Variants in PDE4C observed in about 807,000 individuals in gnomAD.
PDE4C encodes phosphodiesterase 4C, also known as 3',5'-cyclic-AMP phosphodiesterase 4C.
In PDE4C, 50 loss-of-function variants were observed where a neutral mutation model predicts 63.9. That is an observed-to-expected ratio of 0.78 (90% CI 0.62 to 0.99). The LOEUF is 0.99. Among genes scored for constraint, PDE4C ranks in the 50% least tolerant of loss-of-function variants. The pLI is 0.00. For missense variants in PDE4C, 777 were observed against 899.1 expected (o/e 0.86, Z 1.74); for synonymous variants, 377 against 385.1 (o/e 0.98, Z 0.25).
rs1968222270 is a variant in PDE4C at position 18,216,877 on chromosome 19, A to G, written c.1253T>C (p.Met418Thr). Residue 418 changes from methionine to threonine, a missense_variant, in exon 12 of 15, where the codon ATG becomes ACG. Met to Thr is a moderately conservative substitution (Grantham distance 81, BLOSUM62 -1). This residue lies in a region of PDE4C where 500 missense variants were observed against 597.8 expected (regional missense o/e 0.84). Coordinates refer to ENST00000262805, the Ensembl canonical transcript of PDE4C. ...CTCCAGCACCGAGGCGTCGTTGTAC[A>G]TAAGCGCCAGCTCTGAGTCTGTGAG... 5.6e-6 allele frequency: 9 copies of G among 1,613,440 alleles called. No individual in the cohort carries two copies. In the South Asian group the frequency reaches 7.7e-5, roughly 14 times the overall value.
At chr19:18,254,409 G>C in the PDE4C span, among the ~76,000 whole-genome samples, 7 of 152,306 alleles carry the variant, frequency 4.6e-5, no homozygotes, top group East Asian at 1.2e-3. Flanking sequence ...GCTGCTGAAG[G>C]GTTGACCAGA....
At position 18,220,864 on chromosome 19, in the gene PDE4C, G is replaced by A. The variant is rs775399041; in HGVS notation, c.499+10C>T. 8 of 1,607,104 alleles carry A rather than the reference G, an allele frequency of 5.0e-6. No individual in the cohort carries two copies. The highest frequency in any genetic ancestry group is 4.2e-6 in the Non-Finnish European group (5 of 1,177,728). On this transcript the variant is annotated intron_variant, in intron 5 of 14. Coordinates refer to ENST00000262805, the Ensembl canonical transcript of PDE4C. The surrounding 1 kb of genome is among the most constrained non-coding windows in gnomAD (Gnocchi z 5.1). ...TCCTCAGCGGGGGAGGGAAGGAACA[G>A]GTACTTTACCTGCAGGAGGGAGCTG...
intron 2 of PDE4C, 52 bp downstream of exon 2, chr19:18,222,080 A>C: frequency 6.7e-7 from 1 of 1,496,292 alleles, no homozygotes; most frequent in Non-Finnish European, 9.2e-7. Context: ...ATAGAGGAAC[A>C]AAGGAAGGAG....
At chr19:18,224,326 C>T (rs974617065) in intron 1 of PDE4C, 3 of 985,476 alleles carry the variant, frequency 3.0e-6, no homozygotes, top group Non-Finnish European at 3.6e-6. Flanking sequence ...CGGCCGAGGG[C>T]CAGTGTCCGG....
intron 1 of PDE4C, among the ~76,000 whole-genome samples, chr19:18,231,479 G>A (rs1968846054): frequency 1.3e-5 from 2 of 152,178 alleles, no homozygotes; most frequent in Admixed American, 1.3e-4. Flanking sequence ...GGTCACCTGA[G>A]AACAGCTCCA....
exon 1 of PDE4C, chr19:18,233,127 C>T (rs1456897271): frequency 6.4e-7 from 1 of 1,559,576 alleles, no homozygotes; most frequent in Non-Finnish European, 8.7e-7. Context: ...CATGCTGTGG[C>T]GGCCGCGAGA....
intron 1 of PDE4C, chr19:18,248,154 G>C (rs1202039077): frequency 2.2e-6 from 1 of 456,176 alleles, no homozygotes; most frequent in Non-Finnish European, 4.4e-6. Flanking sequence ...GGAGGCCCAG[G>C]CATGTCTGGC....
chr19:18,228,554 C>G (rs1600093398), upstream of PDE4C, among the ~76,000 whole-genome samples: 1 of 152,194 alleles, frequency 6.6e-6, no homozygotes, highest in Non-Finnish European at 1.5e-5. Flanking sequence ...GATGCGTTAA[C>G]TCATTTCATC....
chr19:18,244,890 C>T (rs1273105465), intron 1 of PDE4C, among the ~76,000 whole-genome samples: 1 of 151,786 alleles, frequency 6.6e-6, no homozygotes, highest in African/African-American at 2.4e-5. Flanking sequence ...GGCTGAAGTG[C>T]AGTGGCGCGA....
At position 18,220,788 on chromosome 19, in the gene PDE4C, T is replaced by C. The variant is rs1222551793; in HGVS notation, c.499+86A>G. 1.5e-6 allele frequency: 2 copies of C among 1,305,834 alleles called. No individual in the cohort carries two copies. The highest frequency in any genetic ancestry group is 1.1e-6 in the Non-Finnish European group (1 of 915,382). The allele number at this position is 1,305,834 out of a possible 1,614,324, so 80.9% of individuals were successfully genotyped here. ...GGCGGGGCTACAATTAGCCCCAGTATAAGGGGCTCATGGACTGGGGAGGTC... is the reference window on the plus strand; with the variant it reads ...GGCGGGGCTACAATTAGCCCCAGTACAAGGGGCTCATGGACTGGGGAGGTC... On this transcript the variant is annotated intron_variant, in intron 5 of 14. Coordinates refer to ENST00000262805, the Ensembl canonical transcript of PDE4C. This position sits in a 1 kb window ranked among gnomAD's most constrained non-coding sequence, Gnocchi z 5.1.
At chr19:18,243,047 G>A (rs1969071766) in intron 1 of PDE4C, among the ~76,000 whole-genome samples, 3 of 152,144 alleles carry the variant, frequency 2.0e-5, no homozygotes, top group African/African-American at 7.2e-5. Flanking sequence ...TATGTTTTGG[G>A]GGCTGAAAGA....
rs1968415434 is a variant in PDE4C, at chr19:18,220,571, C to T, written c.500-56G>A. 2 of 1,448,888 alleles carry T rather than the reference C, an allele frequency of 1.4e-6. No homozygotes were observed. Among genetic ancestry groups the T allele is most frequent in the Admixed American group, 1.8e-5 (1 of 54,472 alleles). The allele number at this position is 1,448,888 out of a possible 1,614,324, so 89.8% of individuals were successfully genotyped here. A position where few individuals can be genotyped will look rare whatever the true frequency, so the allele number is the denominator to read the frequency against. On this transcript the variant is annotated intron_variant, in intron 5 of 14. Transcript: ENST00000262805. This position sits in a 1 kb window ranked among gnomAD's most constrained non-coding sequence, Gnocchi z 5.1. Reference sequence around the variant, plus strand: ...AACCCCCCCGCTCAGGGACCCCACGCCTCTCGCGACTTCGTCTCTTCATCT... The same window carrying T: ...AACCCCCCCGCTCAGGGACCCCACGTCTCTCGCGACTTCGTCTCTTCATCT...
intron 1 of PDE4C, among the ~76,000 whole-genome samples, chr19:18,247,636 C>T (rs1348350320): frequency 6.6e-6 from 1 of 152,128 alleles, no homozygotes; most frequent in Non-Finnish European, 1.5e-5. Context: ...TGGGATCTCC[C>T]CACCATGGCC....
chr19:18,232,702 A>T (rs376355073), intron 1 of PDE4C, among the ~76,000 whole-genome samples: 1 of 79,008 alleles, frequency 1.3e-5, no homozygotes, highest in East Asian at 2.3e-4. Context: ...GCGCGCGCAC[A>T]CACACACACA....
upstream of PDE4C, among the ~76,000 whole-genome samples, chr19:18,229,711 G>A (rs1399039161): frequency 1.3e-5 from 2 of 151,998 alleles, no homozygotes; most frequent in African/African-American, 4.8e-5. Flanking sequence ...GAGATGACTT[G>A]CCCAAGTCCC....
intron 12 of PDE4C, among the ~76,000 whole-genome samples, chr19:18,215,209 T>A (rs2148010223): frequency 6.6e-6 from 1 of 152,288 alleles, no homozygotes; most frequent in Admixed American, 6.5e-5. Flanking sequence ...TGGGGTTCCC[T>A]CTGCTGAGAA....
At chr19:18,248,283 C>A, upstream of PDE4C, 1 of 452,696 alleles carries the variant, frequency 2.2e-6, no homozygotes, top group Admixed American at 2.4e-5. Flanking sequence ...ACCCACTCAG[C>A]GGAGCCCCTT....
Position 18,220,913 on chromosome 19 carries a change from C to T in PDE4C, c.460G>A (p.Val154Ile), listed in dbSNP as rs746422587. 13 of 1,605,422 alleles carry T rather than the reference C, an allele frequency of 8.1e-6. No individual in the cohort carries two copies. In the South Asian group the frequency reaches 1.4e-4, roughly 17 times the overall value. The change falls in exon 5 of 15, where the codon GTC becomes ATC. Residue 154 changes from valine to isoleucine, a missense_variant. Val to Ile is a conservative substitution (Grantham distance 29). Transcript: ENST00000262805. The surrounding 1 kb of genome is among the most constrained non-coding windows in gnomAD (Gnocchi z 5.1). ...TGATTGCTGGATGAAGGGTTTCCGA[C>T]GGGTCCCTGCCTGCGGTACAGCAGC...
At chr19:18,233,247 G>A in exon 1 of PDE4C, 1 of 1,540,830 alleles carries the variant, frequency 6.5e-7, no homozygotes. Context: ...CCGTGAGCGG[G>A]CGCCGAGGAG....
Sources: gnomAD v4.1 joint callset for allele counts (sites outside exome capture counted in the v4.1 genomes callset) on GRCh38, gnomAD v4.1.1 for gene constraint, gnomAD v4.1.1 regional missense constraint, Gnocchi (gnomAD v3.1) non-coding constraint, MANE v1.5 for transcripts, NCBI Gene and HGNC (gene_info 2026-07-23, HGNC 2026-07-21) for gene names.